Variants in RGS5 observed in about 807,000 individuals in gnomAD.
RGS5 encodes the protein regulator of G protein signaling 5, also known as regulator of G-protein signalling 5.
A neutral mutation model predicts 18.9 loss-of-function variants in RGS5; 20 were observed. The observed-to-expected ratio is 1.06, with a 90% CI of 0.74 to 1.54. The LOEUF is 1.54. Among genes scored for constraint, RGS5 ranks in the 40% most tolerant of loss-of-function variants. The pLI is 0.00. For missense variants in RGS5, 201 were observed against 211.8 expected (o/e 0.95, Z 0.32); for synonymous variants, 57 against 76.2 (o/e 0.75, Z 1.31).
chr1:163,148,291 G>C (rs1657237445), intron 4 of RGS5, among the ~76,000 whole-genome samples: 1 of 152,102 alleles, frequency 6.6e-6, no homozygotes, highest in African/African-American at 2.4e-5. Context: ...GAATTGAACA[G>C]AGAGAAGTAA....
chr1:163,243,059 A>G lies in RGS5; in HGVS notation c.-281+63174T>C, dbSNP rs571160728. 3.9e-5 allele frequency among the ~76,000 whole-genome samples: 6 copies of G among 152,336 alleles called. No homozygotes were observed. In the East Asian group the frequency reaches 7.7e-4, roughly 20 times the overall value. On this transcript the variant is annotated intron_variant, in intron 2 of 5. Transcript: ENST00000618415. ...GAGGCATTTACTGCCCATCAATGAT[A>G]GACTGGATAAAGAAAATGTGGTGCA...
intron 1 of RGS5, among the ~76,000 whole-genome samples, chr1:163,214,607 C>G (rs1164566069): frequency 6.6e-6 from 1 of 152,096 alleles, no homozygotes; most frequent in African/African-American, 2.4e-5. Context: ...TTAATCTCAC[C>G]CCTACCACCA....
chr1:163,214,917 G>A (rs1432330287), intron 1 of RGS5, among the ~76,000 whole-genome samples: 4 of 152,060 alleles, frequency 2.6e-5, no homozygotes, highest in African/African-American at 7.2e-5. Flanking sequence ...ATCATTGTAG[G>A]TGAAGTTGAA....
intron 3 of RGS5, among the ~76,000 whole-genome samples, chr1:163,159,803 C>T (rs1434071382): frequency 1.3e-5 from 2 of 152,080 alleles, no homozygotes; most frequent in African/African-American, 4.8e-5. Flanking sequence ...ATACATACTA[C>T]ATACACATAT....
At chr1:163,207,790 A>G (rs1319040835), upstream of RGS5, among the ~76,000 whole-genome samples, 1 of 152,220 alleles carries the variant, frequency 6.6e-6, no homozygotes, top group Non-Finnish European at 1.5e-5. Context: ...AATTGGATAA[A>G]CCAGATAACA....
intron 1 of RGS5, among the ~76,000 whole-genome samples, chr1:163,193,605 T>C (rs1291021235): frequency 2.6e-5 from 4 of 152,160 alleles, no homozygotes; most frequent in Non-Finnish European, 5.9e-5. Flanking sequence ...ACCCAATTTC[T>C]AATGCCTAGT....
chr1:163,152,271 A>G (rs966464919), intron 4 of RGS5, among the ~76,000 whole-genome samples: 2 of 152,232 alleles, frequency 1.3e-5, no homozygotes, highest in African/African-American at 4.8e-5. Context: ...TGAGGTTCAC[A>G]GAGACTCAAC....
chr1:163,253,998 G>T (rs1648194785), intron 2 of RGS5, among the ~76,000 whole-genome samples: 1 of 151,338 alleles, frequency 6.6e-6, no homozygotes, highest in African/African-American at 2.4e-5. Flanking sequence ...TTTTATGGCT[G>T]CATAGTATTC....
At chr1:163,302,000 C>A (rs1649563665) in intron 2 of RGS5, among the ~76,000 whole-genome samples, 1 of 103,376 alleles carries the variant, frequency 9.7e-6, no homozygotes, top group Non-Finnish European at 2.3e-5. Context: ...TTAATTTTTC[C>A]TGTTTTTTTT....
chr1:163,275,375 G>A (rs980735172), intron 2 of RGS5, among the ~76,000 whole-genome samples: 1 of 152,134 alleles, frequency 6.6e-6, no homozygotes, highest in Non-Finnish European at 1.5e-5. Context: ...CTAGTCCATT[G>A]CATGGTCCCC....
chr1:163,235,435 T>C (rs1647597566), intron 2 of RGS5, among the ~76,000 whole-genome samples: 1 of 152,194 alleles, frequency 6.6e-6, no homozygotes, highest in Non-Finnish European at 1.5e-5. Flanking sequence ...GAATAACTGG[T>C]CTATAGGAAT....
chr1:163,164,805 G>GT (rs755173543), intron 2 of RGS5, among the ~76,000 whole-genome samples: 226 of 152,274 alleles, frequency 1.5e-3, no homozygotes, highest in Non-Finnish European at 2.9e-3. Flanking sequence ...CTGTGGTTGG[G>GT]TTTTTTGTTT....
chr1:163,267,450 T>C (rs1338859172), intron 2 of RGS5: 3 of 152,170 alleles, frequency 2.0e-5, no homozygotes, highest in Non-Finnish European at 2.9e-5. Context: ...ACATTGAGCT[T>C]CTTTGGTAAT....
chr1:163,244,179 T>A (rs979475595), intron 2 of RGS5, among the ~76,000 whole-genome samples: 2 of 152,190 alleles, frequency 1.3e-5, no homozygotes, highest in Non-Finnish European at 2.9e-5. Flanking sequence ...GGAAACAGCT[T>A]GAGGTCTACA....
intron 1 of RGS5, among the ~76,000 whole-genome samples, chr1:163,210,574 T>C (rs1660081468): frequency 6.6e-6 from 1 of 152,206 alleles, no homozygotes; most frequent in African/African-American, 2.4e-5. Flanking sequence ...ACTATAGTTC[T>C]ATCACTGTCT....
intron 1 of RGS5, among the ~76,000 whole-genome samples, chr1:163,187,746 A>G (rs1250589090): frequency 1.3e-5 from 2 of 152,072 alleles, no homozygotes; most frequent in African/African-American, 4.8e-5. Flanking sequence ...TATCCTTTAT[A>G]ATAAACCAGT....
chr1:163,230,892 T>TA (rs1043591992), intron 2 of RGS5, among the ~76,000 whole-genome samples: 4 of 152,200 alleles, frequency 2.6e-5, no homozygotes, highest in Admixed American at 6.5e-5. Context: ...GATGTCCTTT[T>TA]AAAAAAATCC....
At chr1:163,157,840 T>C (rs1657648149) in intron 3 of RGS5, among the ~76,000 whole-genome samples, 1 of 152,132 alleles carries the variant, frequency 6.6e-6, no homozygotes, top group Admixed American at 6.6e-5. Context: ...TAATTTTCTT[T>C]CTTCCTTTTT....
intron 1 of RGS5, among the ~76,000 whole-genome samples, chr1:163,316,438 T>A (rs528602265): frequency 3.2e-4 from 49 of 152,336 alleles, no homozygotes; most frequent in African/African-American, 1.1e-3. Context: ...ATAATTCATA[T>A]AAGTGAATTG....
Sources: allele counts gnomAD v4.1 joint callset (sites outside exome capture counted in the v4.1 genomes callset), GRCh38; gene constraint gnomAD v4.1.1; transcripts MANE v1.5; gene names NCBI Gene and HGNC (gene_info 2026-07-23, HGNC 2026-07-21).